The following LGR4 variants were observed in gnomAD, a reference collection of about 807,000 sequenced individuals.
The protein encoded by LGR4 is leucine-rich repeat-containing G protein-coupled receptor 4.
A neutral mutation model predicts 84.8 loss-of-function variants in LGR4; 44 were observed. The observed-to-expected ratio is 0.52, with a 90% CI of 0.41 to 0.67. LGR4 has a LOEUF of 0.67. LGR4 is among the 30% of genes least tolerant of loss of function. The pLI is 0.00. For synonymous variants in LGR4, 429 were observed against 434.3 expected (o/e 0.99, Z 0.15); for missense variants, 1,032 against 1,131.4 (o/e 0.91, Z 1.26).
intron 2 of LGR4, among the ~76,000 whole-genome samples, chr11:27,403,837 CTA>C (rs1446361631): frequency 6.6e-6 from 1 of 152,120 alleles, no homozygotes; most frequent in East Asian, 1.9e-4. Flanking sequence ...ATTTTTATAA[CTA>C]TGATTTTTTT....
intron 1 of LGR4, among the ~76,000 whole-genome samples, chr11:27,413,750 C>T (rs933788874): frequency 2.6e-5 from 4 of 152,174 alleles, no homozygotes; most frequent in East Asian, 1.9e-4. Context: ...TAGGACATGT[C>T]CATTAGTATA....
chr11:27,373,824 G>A (rs2448002), intron 14 of LGR4, 148 bp from the exon 15 acceptor site: 674,875 of 992,956 alleles, frequency 0.68, 231,675 homozygotes, highest in East Asian at 0.89. Flanking sequence ...GTATCTTGCC[G>A]TTTAAGAAGA....
At chr11:27,460,410 T>C (rs2133453822) in intron 1 of LGR4, among the ~76,000 whole-genome samples, 1 of 152,326 alleles carries the variant, frequency 6.6e-6, no homozygotes, top group Middle Eastern at 3.4e-3. Context: ...TTCAAGCATC[T>C]GTGATCCCAA....
intron 9 of LGR4, 60 bp downstream of exon 9, chr11:27,380,580 T>G (rs1370222676): frequency 1.7e-6 from 2 of 1,174,126 alleles, no homozygotes; most frequent in African/African-American, 3.1e-5. Flanking sequence ...AATAAATTCT[T>G]GTTTTCCACT....
At chr11:27,410,259 CAG>C (rs1460699002) in intron 2 of LGR4, among the ~76,000 whole-genome samples, 3 of 152,118 alleles carry the variant, frequency 2.0e-5, no homozygotes, top group Non-Finnish European at 2.9e-5. Flanking sequence ...GAGTAGGATT[CAG>C]AGTTTATTGA....
At chr11:27,438,661 T>C (rs1864251774) in intron 1 of LGR4, among the ~76,000 whole-genome samples, 1 of 152,092 alleles carries the variant, frequency 6.6e-6, no homozygotes, top group African/African-American at 2.4e-5. Context: ...GTGGGCCTCA[T>C]CCAATCTGTT....
At chr11:27,395,825 C>A (rs1243918209) in intron 2 of LGR4, among the ~76,000 whole-genome samples, 1 of 152,146 alleles carries the variant, frequency 6.6e-6, no homozygotes, top group Non-Finnish European at 1.5e-5. Flanking sequence ...AGTAATTGCA[C>A]CCGCCAGAAG....
At chr11:27,443,251 C>T (rs921393063) in intron 1 of LGR4, among the ~76,000 whole-genome samples, 1 of 152,200 alleles carries the variant, frequency 6.6e-6, no homozygotes, top group Admixed American at 6.5e-5. Context: ...GACAGCTGAA[C>T]CATGTGCCCC....
At chr11:27,462,390 G>A (rs1208363444) in intron 1 of LGR4, among the ~76,000 whole-genome samples, 4 of 152,140 alleles carry the variant, frequency 2.6e-5, no homozygotes, top group African/African-American at 9.7e-5. Flanking sequence ...CAGATAAACT[G>A]TACCTCTCCT....
intron 1 of LGR4, among the ~76,000 whole-genome samples, chr11:27,446,419 A>C (rs1864391330): frequency 6.6e-6 from 1 of 152,224 alleles, no homozygotes; most frequent in South Asian, 2.1e-4. Context: ...ATGCAGCCAA[A>C]AGACACATGA....
At position 27,382,228 on chromosome 11, in the gene LGR4, A is replaced by G. The variant is rs1391554883; in HGVS notation, c.718T>C (p.Phe240Leu). ...GGAAGGGCTTTAATAGCCTGAGGAA[A>G]TTCCCCCAAGTTATTATAATTCAAG... The part of the protein sequence containing the change: ...LDLNYNNLGE[F>L]PQAIKALPSL... The change falls in exon 7 of 18, where the codon TTT becomes CTT. Residue 240 changes from phenylalanine to leucine, a missense_variant. Phe to Leu is a conservative substitution (Grantham distance 22, BLOSUM62 0). Transcript: ENST00000379214. The G allele has an allele frequency of 3.1e-6, 5 of 1,609,488 alleles. No individual in the cohort carries two copies. Among genetic ancestry groups the G allele is most frequent in the Middle Eastern group, 3.3e-4 (2 of 6,052 alleles).
chr11:27,390,952 G>A (rs181859704), intron 4 of LGR4, 142 bp downstream of exon 4: 21 of 546,830 alleles, frequency 3.8e-5, no homozygotes, highest in African/African-American at 9.7e-5. Flanking sequence ...ACCAAAGGAC[G>A]TTTTGATAAC....
chr11:27,408,098 T>C (rs1863646804), intron 2 of LGR4, among the ~76,000 whole-genome samples: 1 of 152,140 alleles, frequency 6.6e-6, no homozygotes. Context: ...ATGAATTGAA[T>C]AGCTGTATTT....
At chr11:27,470,346 A>G (rs1319329469) in intron 1 of LGR4, among the ~76,000 whole-genome samples, 2 of 152,208 alleles carry the variant, frequency 1.3e-5, no homozygotes, top group African/African-American at 4.8e-5. Flanking sequence ...GTGGTTTTAG[A>G]TACTAATGTA....
rs903777260 is a variant in LGR4 at position 27,409,825 on chromosome 11, A to G, written c.257+2964T>C. ...TTTGGTTAATTCCTACATGTCCTTCAACACTCAGCAGAAGCTACTGTGGAA... is the reference window on the plus strand; with the variant it reads ...TTTGGTTAATTCCTACATGTCCTTCGACACTCAGCAGAAGCTACTGTGGAA... On this transcript the variant is annotated intron_variant, in intron 2 of 17. Transcript: ENST00000379214. 2.0e-5 allele frequency among the ~76,000 whole-genome samples: 3 copies of G among 152,118 alleles called. No homozygotes were observed. The South Asian group carries it at 6.2e-4, about 31-fold the overall frequency.
At chr11:27,458,282 TA>T (rs140954519) in intron 1 of LGR4, among the ~76,000 whole-genome samples, 195 of 152,226 alleles carry the variant, frequency 1.3e-3, no homozygotes, top group African/African-American at 4.5e-3. Flanking sequence ...CAAAACTACA[TA>T]AAGTGAGGAA....
At chr11:27,453,890 T>C (rs2133447318) in intron 1 of LGR4, among the ~76,000 whole-genome samples, 1 of 152,296 alleles carries the variant, frequency 6.6e-6, no homozygotes, top group South Asian at 2.1e-4. Context: ...CAGACCATGA[T>C]GGGAAGGGGA....
chr11:27,383,209 G>A (rs1019385908), intron 6 of LGR4, among the ~76,000 whole-genome samples: 31 of 152,100 alleles, frequency 2.0e-4, no homozygotes, highest in African/African-American at 7.2e-4. Flanking sequence ...AACATAAAGA[G>A]CACACTGGCA....
At chr11:27,401,504 A>T (rs1406657793) in intron 2 of LGR4, among the ~76,000 whole-genome samples, 1 of 152,184 alleles carries the variant, frequency 6.6e-6, no homozygotes, top group Non-Finnish European at 1.5e-5. Flanking sequence ...GTGAGGAAAT[A>T]ATATGTTCCA....
Sources: allele counts gnomAD v4.1 joint callset (sites outside exome capture counted in the v4.1 genomes callset), GRCh38; gene constraint gnomAD v4.1.1; transcripts MANE v1.5; gene names NCBI Gene and HGNC (gene_info 2026-07-23, HGNC 2026-07-21).